The following ZFPM2 variants were observed in gnomAD, a reference collection of about 807,000 sequenced individuals.
The protein encoded by ZFPM2 is zinc finger protein, FOG family member 2.
Under a neutral mutation model 98.6 loss-of-function variants are expected in ZFPM2, and 20 were observed. The observed-to-expected ratio is 0.20, with a 90% CI of 0.14 to 0.29. The LOEUF is 0.29. ZFPM2 is among the 10% of genes least tolerant of loss of function. The probability of loss-of-function intolerance (pLI) is 1.00; values close to 1 mark genes in which losing one functional copy is unlikely to be tolerated. For synonymous variants in ZFPM2, 518 were observed against 502.7 expected, an observed-to-expected ratio of 1.03 and a Z score of -0.41; for missense variants, 1,310 against 1,388.6, an observed-to-expected ratio of 0.94 and a Z score of 0.90.
At chr8:105,767,557 T>C (rs1039228819) in intron 5 of ZFPM2, among the ~76,000 whole-genome samples, 2 of 151,918 alleles carry the variant, frequency 1.3e-5, no homozygotes, top group Non-Finnish European at 2.9e-5. Flanking sequence ...TAAAAATGAA[T>C]GTATTATTCA....
chr8:105,444,216 G>T (rs2130215549), intron 2 of ZFPM2, 64 bp from the exon 3 acceptor site: 2 of 1,239,792 alleles, frequency 1.6e-6, no homozygotes, highest in Non-Finnish European at 2.3e-6. Flanking sequence ...CCTTTATGAG[G>T]GTGTGAATGT....
chr8:105,412,879 A>G (rs1160814687), intron 1 of ZFPM2, among the ~76,000 whole-genome samples: 1 of 151,808 alleles, frequency 6.6e-6, no homozygotes, highest in African/African-American at 2.4e-5. Flanking sequence ...GTAATGATTC[A>G]TAAGAAAGTC....
chr8:105,634,286 C>T lies in ZFPM2; in HGVS notation c.461C>T (p.Pro154Leu), dbSNP rs769331643. 8.7e-6 allele frequency: 14 copies of T among 1,612,944 alleles called. No homozygotes were observed. Among genetic ancestry groups the T allele is most frequent in the Non-Finnish European group, 1.0e-5 (12 of 1,179,532 alleles). Residue 154 changes from proline (P) to leucine (L), a missense_variant, in exon 5 of 8, where the codon CCC (proline) becomes CTC (leucine). Physicochemically the swap from Pro to Leu is moderately conservative, Grantham distance 98. Coordinates refer to ENST00000407775, the MANE Select transcript of ZFPM2 (RefSeq NM_012082.4). ...AQVPMVLTAGPKWLLDVTWQG... is the reference protein window; with the variant it reads ...AQVPMVLTAGLKWLLDVTWQG... ...GTCCCAATGGTGCTGACTGCTGGTC[C>T]CAAGTGGTTGCTGGATGTGACTTGG...
intron 4 of ZFPM2, among the ~76,000 whole-genome samples, chr8:105,597,965 T>A (rs1321664075): frequency 1.3e-5 from 2 of 152,012 alleles, no homozygotes; most frequent in Non-Finnish European, 2.9e-5. Context: ...CTGGGGATTG[T>A]TATTTCAGTT....
intron 1 of ZFPM2, chr8:105,319,404 C>T (rs537492408): frequency 6.5e-6 from 1 of 154,026 alleles, no homozygotes; most frequent in African/African-American, 2.4e-5. Context: ...AGGGTAGAAA[C>T]TTCTCAGAAA....
intron 5 of ZFPM2, among the ~76,000 whole-genome samples, chr8:105,645,369 C>T (rs748468463): frequency 3.9e-5 from 6 of 152,206 alleles, no homozygotes; most frequent in Non-Finnish European, 8.8e-5. Context: ...TCTTTTTATG[C>T]GAATAGTCAT....
intron 2 of ZFPM2, among the ~76,000 whole-genome samples, chr8:105,443,923 A>G (rs923511076): frequency 2.0e-5 from 3 of 152,226 alleles, no homozygotes; most frequent in Non-Finnish European, 4.4e-5. Flanking sequence ...TAGAAAAGTT[A>G]TAATTTGGAA....
intron 5 of ZFPM2, among the ~76,000 whole-genome samples, chr8:105,715,036 A>G (rs1811485954): frequency 6.6e-6 from 1 of 152,090 alleles, no homozygotes; most frequent in African/African-American, 2.4e-5. Flanking sequence ...ATCCACAGAA[A>G]GAGCAACCAA....
At chr8:105,786,982 T>C (rs1444716603) in intron 5 of ZFPM2, 6 of 152,206 alleles carry the variant, frequency 3.9e-5, no homozygotes, top group African/African-American at 1.4e-4. Flanking sequence ...TGGTTTCTTG[T>C]TGTGTCTCCC....
chr8:105,625,441 C>T (rs1443687623), intron 4 of ZFPM2, among the ~76,000 whole-genome samples: 1 of 152,030 alleles, frequency 6.6e-6, no homozygotes, highest in Admixed American at 6.6e-5. Context: ...TAAAGGACAT[C>T]CCAATTTAAT....
chr8:105,503,316 A>G (rs1459774626), intron 3 of ZFPM2, among the ~76,000 whole-genome samples: 2 of 152,194 alleles, frequency 1.3e-5, no homozygotes, highest in African/African-American at 2.4e-5. Context: ...TTGATATGTA[A>G]TGGTCCAGAA....
intron 1 of ZFPM2, among the ~76,000 whole-genome samples, chr8:105,329,889 T>C (rs1195065396): frequency 6.6e-6 from 1 of 151,896 alleles, no homozygotes; most frequent in East Asian, 1.9e-4. Flanking sequence ...TTAGAATGTT[T>C]CTTTGCATTT....
At chr8:105,578,466 A>G (rs1217019127) in intron 4 of ZFPM2, among the ~76,000 whole-genome samples, 1 of 152,066 alleles carries the variant, frequency 6.6e-6, no homozygotes, top group Admixed American at 6.6e-5. Context: ...ATCTTTTATC[A>G]TCAAACAATT....
chr8:105,736,481 T>C (rs1024618472), intron 5 of ZFPM2, among the ~76,000 whole-genome samples: 10 of 151,986 alleles, frequency 6.6e-5, no homozygotes, highest in African/African-American at 1.4e-4. Flanking sequence ...AGACTTTTTT[T>C]CCCAATACTT....
chr8:105,712,590 G>C (rs912273643), intron 5 of ZFPM2, among the ~76,000 whole-genome samples: 8 of 151,968 alleles, frequency 5.3e-5, no homozygotes, highest in African/African-American at 1.9e-4. Flanking sequence ...GATTCAAGGA[G>C]TGCAGTGGTA....
At position 105,802,850 on chromosome 8, in the gene ZFPM2, A is replaced by G. The variant is rs755681179; in HGVS notation, c.2768A>G (p.Lys923Arg). 11 of 1,613,742 alleles carry G rather than the reference A, an allele frequency of 6.8e-6. No homozygotes were observed. The highest frequency in any genetic ancestry group is 1.7e-6 in the Non-Finnish European group (2 of 1,179,824). The change falls in exon 8 of 8, where the codon AAG becomes AGG. Residue 923 changes from lysine (K) to arginine (R), a missense_variant. Transcript: ENST00000407775. ...IIKCEKNGNL[K>R]QPSPNGNLFS... ...AAATGTGAGAAAAATGGGAATTTGA[A>G]GCAGCCTTCCCCCAATGGAAACTTA...
chr8:105,680,870 A>C (rs1025829821), intron 5 of ZFPM2, among the ~76,000 whole-genome samples: 8 of 152,174 alleles, frequency 5.3e-5, no homozygotes, highest in African/African-American at 1.9e-4. Flanking sequence ...TTATTCGTTG[A>C]AGTTGTTTAT....
chr8:105,612,550 T>C (rs1816328609), intron 4 of ZFPM2, among the ~76,000 whole-genome samples: 1 of 152,170 alleles, frequency 6.6e-6, no homozygotes, highest in Non-Finnish European at 1.5e-5. Context: ...TTCACACAAA[T>C]TTTTTCCTGG....
chr8:105,562,151 C>T (rs1815151816), intron 4 of ZFPM2, among the ~76,000 whole-genome samples: 1 of 149,774 alleles, frequency 6.7e-6, no homozygotes, highest in Non-Finnish European at 1.5e-5. Context: ...ACTAAAAATA[C>T]AAAAAAAAAT....
Sources: allele counts gnomAD v4.1 joint callset (sites outside exome capture counted in the v4.1 genomes callset), GRCh38; gene constraint gnomAD v4.1.1; transcripts MANE v1.5; gene names NCBI Gene and HGNC (gene_info 2026-07-23, HGNC 2026-07-21).